Variants in KCNH7 observed in about 807,000 individuals in gnomAD.
KCNH7 encodes the protein potassium voltage-gated channel subfamily H member 7, also known as voltage-gated inwardly rectifying potassium channel KCNH7.
A neutral mutation model predicts 120.8 loss-of-function variants in KCNH7; 49 were observed. The ratio of observed to expected loss-of-function variants is 0.41; its 90% CI spans 0.32 to 0.51. The LOEUF (loss-of-function observed/expected upper bound fraction) is 0.51. Among genes scored for constraint, KCNH7 ranks in the 20% least tolerant of loss-of-function variants. The pLI is 0.38. For synonymous variants in KCNH7, 547 were observed against 516.1 expected (o/e 1.06, Z -0.81); for missense variants, 1,097 against 1,446.6 (o/e 0.76, Z 3.92).
At chr2:162,710,622 A>G (rs187632854) in intron 2 of KCNH7, among the ~76,000 whole-genome samples, 158 of 152,296 alleles carry the variant, frequency 1.0e-3, no homozygotes, top group African/African-American at 3.7e-3. Flanking sequence ...CTTCGGGGAA[A>G]GTTGTATGCA....
At chr2:162,621,652 T>G (rs1318627180) in intron 2 of KCNH7, among the ~76,000 whole-genome samples, 2 of 152,190 alleles carry the variant, frequency 1.3e-5, no homozygotes, top group East Asian at 3.8e-4. Flanking sequence ...TATTCAGTAC[T>G]TACTCTGTGC....
At chr2:162,514,474 A>G (rs1691214463) in intron 4 of KCNH7, among the ~76,000 whole-genome samples, 1 of 151,826 alleles carries the variant, frequency 6.6e-6, no homozygotes, top group Non-Finnish European at 1.5e-5. Flanking sequence ...TTATATAGTT[A>G]TTACAGCTTT....
intron 14 of KCNH7, among the ~76,000 whole-genome samples, chr2:162,378,858 G>T (rs903662019): frequency 6.6e-6 from 1 of 152,166 alleles, no homozygotes; most frequent in Non-Finnish European, 1.5e-5. Flanking sequence ...TTGTATCCTT[G>T]TTATGGAGCA....
chr2:162,503,355 T>C (rs1391221938), intron 6 of KCNH7, among the ~76,000 whole-genome samples: 1 of 152,054 alleles, frequency 6.6e-6, no homozygotes, highest in Admixed American at 6.6e-5. Flanking sequence ...CAGTAAACTG[T>C]TCATTTACCC....
intron 2 of KCNH7, among the ~76,000 whole-genome samples, chr2:162,583,379 C>T (rs925713783): frequency 2.6e-5 from 4 of 152,018 alleles, no homozygotes; most frequent in African/African-American, 9.7e-5. Context: ...ATATCACAGT[C>T]ATCTTTTACT....
At chr2:162,731,565 A>G (rs1438939156) in intron 2 of KCNH7, among the ~76,000 whole-genome samples, 3 of 151,968 alleles carry the variant, frequency 2.0e-5, no homozygotes, top group African/African-American at 7.2e-5. Flanking sequence ...CACAGTGCAG[A>G]AAGTAGAGCT....
chr2:162,460,417 TA>T (rs1689107664), intron 6 of KCNH7, among the ~76,000 whole-genome samples: 1 of 152,140 alleles, frequency 6.6e-6, no homozygotes. Flanking sequence ...GTCTTTGCTT[TA>T]AAAAAATAAG....
intron 6 of KCNH7, among the ~76,000 whole-genome samples, chr2:162,501,407 AG>A (rs1048143208): frequency 6.6e-6 from 1 of 151,960 alleles, no homozygotes; most frequent in South Asian, 2.1e-4. Context: ...GGAGAGTGGG[AG>A]GGGGATACTC....
rs111946233 is a variant in KCNH7, at chr2:162,478,014, A to G, written c.1128+26429T>C. Reference sequence around the variant, plus strand: ...AAATAAAGATTTCATCTCAATTGTGATATGTGTGATAGAAGATAAAAGGAA... The same window carrying G: ...AAATAAAGATTTCATCTCAATTGTGGTATGTGTGATAGAAGATAAAAGGAA... On this transcript the variant is annotated intron_variant, in intron 6 of 15. Transcript: ENST00000332142. 2.8e-3 allele frequency among the ~76,000 whole-genome samples: 423 copies of G among 152,322 alleles called. 1 individual carries two copies. Among genetic ancestry groups the G allele is most frequent in the African/African-American group, 9.8e-3 (406 of 41,578 alleles).
chr2:162,600,311 G>T (rs375498814), intron 2 of KCNH7, among the ~76,000 whole-genome samples: 32 of 152,194 alleles, frequency 2.1e-4, no homozygotes, highest in African/African-American at 7.5e-4. Context: ...AGACCAAGCA[G>T]CTCCAGGAAG....
At chr2:162,750,836 T>C (rs1376672487) in intron 2 of KCNH7, among the ~76,000 whole-genome samples, 1 of 152,174 alleles carries the variant, frequency 6.6e-6, no homozygotes, top group Non-Finnish European at 1.5e-5. Context: ...GTTATGCCTC[T>C]CAATATTTAT....
intron 2 of KCNH7, among the ~76,000 whole-genome samples, chr2:162,763,046 G>A (rs917632519): frequency 7.2e-5 from 11 of 152,006 alleles, no homozygotes; most frequent in African/African-American, 2.7e-4. Context: ...ATCCATCACT[G>A]CTACTATGAT....
intron 2 of KCNH7, among the ~76,000 whole-genome samples, chr2:162,681,317 C>T (rs1685702679): frequency 6.6e-6 from 1 of 151,612 alleles, no homozygotes; most frequent in South Asian, 2.1e-4. Flanking sequence ...CAAACTATTC[C>T]TGGGTGACCT....
chr2:162,387,414 T>C lies in KCNH7; in HGVS notation c.2711-2475A>G, dbSNP rs144483972. On this transcript the variant is annotated intron_variant, in intron 12 of 15. Coordinates refer to ENST00000332142, the MANE Select transcript of KCNH7 (RefSeq NM_033272.4). ...GCCTCCAGGTACTTCTAAATTTTGATGGACTGTACTATTTTTGCCTTTTTC... is the reference window on the plus strand; with the variant it reads ...GCCTCCAGGTACTTCTAAATTTTGACGGACTGTACTATTTTTGCCTTTTTC... Among the ~76,000 whole-genome samples the C allele has an allele frequency of 9.9e-5, 15 of 151,626 alleles. No homozygotes were observed. The East Asian group carries it at 2.7e-3, about 28-fold the overall frequency.
chr2:162,587,351 A>G (rs1426685057), intron 2 of KCNH7, among the ~76,000 whole-genome samples: 3 of 152,078 alleles, frequency 2.0e-5, no homozygotes, highest in African/African-American at 7.2e-5. Flanking sequence ...TTTCCTTTAG[A>G]GCATAGATTT....
chr2:162,745,053 T>C (rs1189327811), intron 2 of KCNH7, among the ~76,000 whole-genome samples: 1 of 152,202 alleles, frequency 6.6e-6, no homozygotes, highest in African/African-American at 2.4e-5. Context: ...CTACTGATAT[T>C]CAGGCAGCTA....
intron 2 of KCNH7, among the ~76,000 whole-genome samples, chr2:162,714,050 T>G (rs1472965529): frequency 6.6e-6 from 1 of 152,208 alleles, no homozygotes; most frequent in Non-Finnish European, 1.5e-5. Context: ...GCCTAGCCAA[T>G]GTAGTATTAT....
chr2:162,514,767 A>C (rs1013571561), intron 4 of KCNH7, among the ~76,000 whole-genome samples: 24 of 151,940 alleles, frequency 1.6e-4, no homozygotes, highest in Non-Finnish European at 2.1e-4. Flanking sequence ...TTCTTCATCA[A>C]AGATGGTTTG....
At chr2:162,493,353 T>C (rs922026328) in intron 6 of KCNH7, among the ~76,000 whole-genome samples, 1 of 152,202 alleles carries the variant, frequency 6.6e-6, no homozygotes. Flanking sequence ...AGATCAAATA[T>C]TTTTTGAAGG....
Sources: gnomAD v4.1 joint callset for allele counts (sites outside exome capture counted in the v4.1 genomes callset) on GRCh38, gnomAD v4.1.1 for gene constraint, MANE v1.5 for transcripts, NCBI Gene and HGNC (gene_info 2026-07-23, HGNC 2026-07-21) for gene names.